The following PCDH15 variants were observed in gnomAD, a reference collection of about 807,000 sequenced individuals.
PCDH15 encodes the protein protocadherin-15.
A neutral mutation model predicts 178.5 loss-of-function variants in PCDH15; 129 were observed. That is an observed-to-expected ratio of 0.72 (90% CI 0.63 to 0.84). The LOEUF (loss-of-function observed/expected upper bound fraction) is 0.84. Ranked by LOEUF, PCDH15 falls within the 40% of genes least tolerant of loss-of-function variation. The pLI is 0.00. For synonymous variants in PCDH15, 800 were observed against 732.0 expected, an observed-to-expected ratio of 1.09 and a Z score of -1.50; for missense variants, 2,230 against 2,099.9, an observed-to-expected ratio of 1.06 and a Z score of -1.21.
At chr10:54,439,095 C>T (rs2075627427) in intron 3 of PCDH15, among the ~76,000 whole-genome samples, 1 of 151,324 alleles carries the variant, frequency 6.6e-6, no homozygotes, top group South Asian at 2.1e-4. Context: ...ATTCTGTATC[C>T]ATTCTATATA....
At chr10:55,314,505 T>C (rs1429488388) in intron 1 of PCDH15, among the ~76,000 whole-genome samples, 2 of 152,042 alleles carry the variant, frequency 1.3e-5, no homozygotes, top group East Asian at 3.9e-4. Flanking sequence ...TTTGTAGCTA[T>C]TTCTTACTAT....
At chr10:55,508,954 C>A (rs540518212) in intron 2 of PCDH15, among the ~76,000 whole-genome samples, 1 of 150,696 alleles carries the variant, frequency 6.6e-6, no homozygotes, top group African/African-American at 2.4e-5. Flanking sequence ...CAAAGCAAAG[C>A]AAAACAAAAC....
At chr10:55,334,230 ATATATATATATATGTGTGTGTGTG>A (rs1264830014) in intron 2 of PCDH15, among the ~76,000 whole-genome samples, 2 of 107,750 alleles carry the variant, frequency 1.9e-5, no homozygotes, top group African/African-American at 1.0e-4. Context: ...CCATATATAT[ATATATATATATATGTGTGTGTGTG>A]TGTGTGTGTG....
intron 1 of PCDH15, among the ~76,000 whole-genome samples, chr10:55,276,993 T>A (rs1032075745): frequency 6.6e-6 from 1 of 152,036 alleles, no homozygotes; most frequent in African/African-American, 2.4e-5. Flanking sequence ...TTCTTGAGTG[T>A]TCCTGCTTTC....
chr10:55,023,683 A>G (rs1410772979), intron 2 of PCDH15, among the ~76,000 whole-genome samples: 1 of 152,150 alleles, frequency 6.6e-6, no homozygotes, highest in Non-Finnish European at 1.5e-5. Flanking sequence ...AATCTAATTT[A>G]CTTACTGCTA....
At chr10:54,030,825 TCAC>T (rs1367251350) in intron 18 of PCDH15, among the ~76,000 whole-genome samples, 1 of 151,984 alleles carries the variant, frequency 6.6e-6, no homozygotes, top group Non-Finnish European at 1.5e-5. Context: ...ATGGTATGAA[TCAC>T]CACCAAGAAA....
At chr10:54,231,283 C>G (rs2054037744) in intron 9 of PCDH15, among the ~76,000 whole-genome samples, 1 of 152,206 alleles carries the variant, frequency 6.6e-6, no homozygotes, top group Non-Finnish European at 1.5e-5. Flanking sequence ...CCTCAGGCCT[C>G]TGCTTCAGAG....
At chr10:54,421,254 A>G (rs1358267769) in intron 3 of PCDH15, among the ~76,000 whole-genome samples, 1 of 152,002 alleles carries the variant, frequency 6.6e-6, no homozygotes, top group Non-Finnish European at 1.5e-5. Context: ...ATGTCATGAA[A>G]TGACTTAAAT....
At position 54,796,222 on chromosome 10, in the gene PCDH15, TTATCTATCTATC is replaced by T. The variant is rs59479208; in HGVS notation, c.-29+4691_-29+4702del. 5.3e-3 allele frequency among the ~76,000 whole-genome samples: 660 copies of T among 125,330 alleles called. 5 individuals are homozygous for T. Among genetic ancestry groups the T allele is most frequent in the African/African-American group, 0.014 (452 of 33,004 alleles). 82.2% of individuals were successfully genotyped at this position (125,330 alleles called of 152,430 possible). On this transcript the variant is annotated intron_variant, in intron 1 of 37. Coordinates refer to ENST00000644397, the MANE Select transcript of PCDH15 (RefSeq NM_001384140.1). ...AGGCTCTCTTCTCTGTCTTTCTACATTATCTATCTATCTATCTATCTATCTATCTATCTATCT... is the reference window on the plus strand; with the variant it reads ...AGGCTCTCTTCTCTGTCTTTCTACATTATCTATCTATCTATCTATCTATCT...
At chr10:53,820,101 G>T (rs1049906837) in intron 33 of PCDH15, 64 bp downstream of exon 33, 1 of 396,792 alleles carries the variant, frequency 2.5e-6, no homozygotes, top group Non-Finnish European at 4.4e-6. Context: ...TTTGCAAAAA[G>T]CTGGTGTAGA....
intron 2 of PCDH15, among the ~76,000 whole-genome samples, chr10:54,949,620 G>T (rs1020385749): frequency 2.0e-5 from 3 of 151,860 alleles, no homozygotes; most frequent in Non-Finnish European, 4.4e-5. Context: ...AAATTTTTAT[G>T]CTCTGCTTCC....
chr10:54,920,870 G>A (rs1053930791), intron 2 of PCDH15, among the ~76,000 whole-genome samples: 3 of 152,144 alleles, frequency 2.0e-5, no homozygotes, highest in Admixed American at 6.5e-5. Flanking sequence ...TCTTGGCTTT[G>A]TAAATGTAAT....
In PCDH15 at chr10:54,275,215, A is replaced by AAG. The variant is rs1220964433; in HGVS notation, c.877-38285_877-38284insCT. ...AGGAAAAAAATATATATATACGTTA[A>AAG]ATCTTAACACTGAAAAGCAACAAAA... On this transcript the variant is annotated intron_variant, in intron 8 of 37. Coordinates refer to ENST00000644397, the MANE Select transcript of PCDH15 (RefSeq NM_001384140.1). 5.5e-3 allele frequency among the ~76,000 whole-genome samples: 840 copies of AAG among 152,010 alleles called. 10 individuals are homozygous for AAG. Among genetic ancestry groups the AAG allele is most frequent in the African/African-American group, 0.019 (804 of 41,522 alleles).
intron 20 of PCDH15, among the ~76,000 whole-genome samples, chr10:54,012,819 A>G (rs1465338716): frequency 6.6e-6 from 1 of 152,170 alleles, no homozygotes; most frequent in East Asian, 1.9e-4. Flanking sequence ...CAGCCACTAC[A>G]AAAACACACT....
At chr10:54,471,845 A>T (rs1213181045) in intron 3 of PCDH15, among the ~76,000 whole-genome samples, 1 of 152,170 alleles carries the variant, frequency 6.6e-6, no homozygotes, top group African/African-American at 2.4e-5. Context: ...AAATACTGCA[A>T]AATACTTTTA....
At chr10:54,049,663 C>T (rs2093727071) in intron 18 of PCDH15, among the ~76,000 whole-genome samples, 1 of 151,846 alleles carries the variant, frequency 6.6e-6, no homozygotes, top group Admixed American at 6.6e-5. Flanking sequence ...CTCTGTCACC[C>T]AGGCTGGCAT....
At chr10:54,839,109 G>A (rs985962153) in intron 3 of PCDH15, among the ~76,000 whole-genome samples, 8 of 152,012 alleles carry the variant, frequency 5.3e-5, no homozygotes, top group Non-Finnish European at 8.8e-5. Flanking sequence ...ATCAATACAA[G>A]GCTGTAAGAA....
At chr10:54,120,640 T>C (rs1040863037) in intron 15 of PCDH15, among the ~76,000 whole-genome samples, 5 of 152,110 alleles carry the variant, frequency 3.3e-5, no homozygotes, top group African/African-American at 1.2e-4. Flanking sequence ...ACTATTCTCA[T>C]ATCAGATAAA....
intron 1 of PCDH15, among the ~76,000 whole-genome samples, chr10:54,717,266 T>G (rs374159172): frequency 2.5e-5 from 3 of 120,472 alleles, no homozygotes; most frequent in Admixed American, 8.5e-5. Context: ...AAATGGGATC[T>G]AATTAAACTA....
Sources: allele counts gnomAD v4.1 joint callset (sites outside exome capture counted in the v4.1 genomes callset), GRCh38; gene constraint gnomAD v4.1.1; transcripts MANE v1.5; gene names NCBI Gene and HGNC (gene_info 2026-07-23, HGNC 2026-07-21).